Variants in APAF1 observed in about 807,000 individuals in gnomAD.
APAF1 encodes apoptotic protease-activating factor 1.
In APAF1, 91 loss-of-function variants were observed where a neutral mutation model predicts 152.4. The ratio of observed to expected loss-of-function variants is 0.60; its 90% CI spans 0.50 to 0.71. The LOEUF (loss-of-function observed/expected upper bound fraction) is 0.71. Among genes scored for constraint, APAF1 ranks in the 30% least tolerant of loss-of-function variants. The pLI, the probability that APAF1 is intolerant of heterozygous loss-of-function variation, is 0.00. For missense variants in APAF1, 1,283 were observed against 1,472.0 expected (o/e 0.87, Z 2.10); for synonymous variants, 484 against 494.1 (o/e 0.98, Z 0.27).
At chr12:98,648,073 T>C (rs976710092) in intron 1 of APAF1, among the ~76,000 whole-genome samples, 3 of 152,164 alleles carry the variant, frequency 2.0e-5, no homozygotes, top group African/African-American at 7.2e-5. Context: ...AGAAAGCTTA[T>C]TTTAAACAAT....
chr12:98,731,429 C>T (rs1299306238), intron 26 of APAF1, among the ~76,000 whole-genome samples: 2 of 152,176 alleles, frequency 1.3e-5, no homozygotes, highest in Non-Finnish European at 2.9e-5. Flanking sequence ...AAATGAATCT[C>T]AGGTTGGTGG....
At chr12:98,722,895 C>A (rs1037206279) in intron 22 of APAF1, among the ~76,000 whole-genome samples, 1 of 151,346 alleles carries the variant, frequency 6.6e-6, no homozygotes, top group Non-Finnish European at 1.5e-5. Flanking sequence ...AGCTCACTGG[C>A]ATATTGTGTG....
In APAF1 at chr12:98,699,485, A is replaced by G. The variant is rs775644489; in HGVS notation, c.2382A>G (p.Gln794=). 6.2e-7 allele frequency: 1 copy of G among 1,614,204 alleles called. No homozygotes were observed. ...TCTTCCTAAATTTGGAGGACCCTCA[A>G]GAGGATATGGAAGTGATAGTGAAGT... ...KQFFLNLEDP[Q]EDMEVIVKCC... is the part of the protein sequence containing the mutation. The change falls in exon 17 of 27, where the codon CAA becomes CAG. Residue 794 remains glutamine, a synonymous_variant. Coordinates refer to ENST00000551964, the MANE Select transcript of APAF1 (RefSeq NM_181861.2).
intron 22 of APAF1, among the ~76,000 whole-genome samples, chr12:98,716,015 A>G (rs532683995): frequency 6.6e-6 from 1 of 152,234 alleles, no homozygotes; most frequent in Admixed American, 6.5e-5. Flanking sequence ...TAAACTTACT[A>G]TATATTCTTT....
In APAF1 at chr12:98,712,362, C is replaced by A. The variant is rs1565889138; in HGVS notation, c.2885C>A (p.Ala962Asp). 1 of 1,613,522 alleles carries A rather than the reference C, an allele frequency of 6.2e-7. No individual in the cohort carries two copies. Among genetic ancestry groups the A allele is most frequent in the Non-Finnish European group, 8.5e-7 (1 of 1,179,612 alleles). Residue 962 changes from alanine (A) to aspartate (D), a missense_variant, in exon 21 of 27, where the codon GCT (alanine) becomes GAT (aspartate). Transcript: ENST00000551964. ...RTGQIDYLTE[A>D]QVSCCCLSPH... ...GGTCAGATTGATTATCTGACTGAAG[C>A]TCAAGTTAGCTGCTGTTGCTTAAGT... is the stretch of plus-strand genomic sequence containing the variant.
rs1297826286 is a variant in APAF1, at chr12:98,723,199, A to C, written c.3091A>C (p.Asn1031His). The C allele has an allele frequency of 2.5e-6, 4 of 1,613,432 alleles. No individual in the cohort carries two copies. Among genetic ancestry groups the C allele is most frequent in the Non-Finnish European group, 3.4e-6 (4 of 1,179,502 alleles). ...SSDDAEIQVW[N>H]WQLDKCIFLR... is the part of the protein sequence containing the mutation. ...TTATTTCTTTGATATTCAGGTATGG[A>C]ATTGGCAATTGGACAAATGTATCTT... The change falls in exon 23 of 27, where the codon AAT becomes CAT. Residue 1031 changes from asparagine to histidine, a missense_variant. Asn to His is a moderately conservative substitution (Grantham distance 68). Transcript: ENST00000551964.
intron 20 of APAF1, among the ~76,000 whole-genome samples, chr12:98,708,938 C>T (rs2097724791): frequency 6.6e-6 from 1 of 152,160 alleles, no homozygotes; most frequent in African/African-American, 2.4e-5. Flanking sequence ...TATCTATGAT[C>T]ACATTCTTTG....
intron 24 of APAF1, among the ~76,000 whole-genome samples, chr12:98,724,738 G>A (rs116426123): frequency 0.31 from 47,103 of 151,822 alleles, 7,771 homozygotes; most frequent in East Asian, 0.51. Flanking sequence ...TCGTGAGCCT[G>A]TCTTTGTGAT....
chr12:98,662,433 TTAA>T lies in APAF1; in HGVS notation c.711-20_711-18del. 1 of 1,509,566 alleles carries T rather than the reference TTAA, an allele frequency of 6.6e-7. No individual in the cohort carries two copies. The highest frequency in any genetic ancestry group is 9.2e-7 in the Non-Finnish European group (1 of 1,085,408). 93.5% of individuals were successfully genotyped at this position (1,509,566 alleles called of 1,614,324 possible). ...AGCTTAAGATAAGTGTCATTAGTGA[TTAA>T]TATTTTTTTTTTAAATTAGGTCTCT... is the stretch of plus-strand genomic sequence containing the variant. On this transcript the variant is annotated intron_variant, in intron 5 of 26. Coordinates refer to ENST00000551964, the MANE Select transcript of APAF1 (RefSeq NM_181861.2).
rs2097764108 is a variant in APAF1, at chr12:98,732,662, ATTGT to A, written c.*98_*101del. ...ATATCAACTTTTTATAAAGCTCTTAATTGTTGTGCAGTATTGCATTCATTACAAA... is the reference window on the plus strand; with the variant it reads ...ATATCAACTTTTTATAAAGCTCTTAATGTGCAGTATTGCATTCATTACAAA... On this transcript the variant is annotated 3_prime_UTR_variant, in exon 27 of 27. Coordinates refer to ENST00000551964, the MANE Select transcript of APAF1 (RefSeq NM_181861.2). The A allele has an allele frequency of 1.2e-6, 1 of 834,698 alleles. No individual in the cohort carries two copies. The highest frequency in any genetic ancestry group is 2.3e-5 in the Admixed American group (1 of 42,854). 51.7% of individuals were successfully genotyped at this position (834,698 alleles called of 1,614,324 possible). A position where few individuals can be genotyped will look rare whatever the true frequency, so the allele number is the denominator to read the frequency against.
At chr12:98,721,571 T>C (rs915749792) in intron 22 of APAF1, among the ~76,000 whole-genome samples, 1 of 152,224 alleles carries the variant, frequency 6.6e-6, no homozygotes, top group Non-Finnish European at 1.5e-5. Flanking sequence ...CCTCCATTTC[T>C]TCCCCTTCCC....
chr12:98,727,924 A>T (rs934139065), intron 26 of APAF1, among the ~76,000 whole-genome samples: 2 of 151,902 alleles, frequency 1.3e-5, no homozygotes, highest in African/African-American at 2.4e-5. Flanking sequence ...CTAGGCAACA[A>T]GAGCAAAACT....
intron 15 of APAF1, among the ~76,000 whole-genome samples, chr12:98,685,935 C>T (rs2097697590): frequency 1.3e-5 from 2 of 152,180 alleles, no homozygotes; most frequent in African/African-American, 4.8e-5. Flanking sequence ...CCATGTCCAG[C>T]CTGAATAGAG....
intron 22 of APAF1, among the ~76,000 whole-genome samples, chr12:98,721,169 GCAACAA>G (rs562117411): frequency 6.6e-6 from 1 of 151,900 alleles, no homozygotes; most frequent in Non-Finnish European, 1.5e-5. Context: ...GTGTTTCCGT[GCAACAA>G]CAACAACAAC....
At position 98,648,415 on chromosome 12, in the gene APAF1, A is replaced by C; in HGVS notation, c.56A>C (p.Asp19Ala). The change falls in exon 2 of 27, where the codon GAC (aspartate) becomes GCC (alanine). Residue 19 changes from aspartate (D) to alanine (A), a missense_variant. Transcript: ENST00000551964. ...LLQHREALEKDIKTSYIMDHM... is the reference protein window; with the variant it reads ...LLQHREALEKAIKTSYIMDHM... ...CAACATAGAGAAGCTCTGGAAAAGG[A>C]CATCAAGACATCCTACATCATGGAT... 6.2e-7 allele frequency: 1 copy of C among 1,614,108 alleles called. No individual in the cohort carries two copies. Among genetic ancestry groups the C allele is most frequent in the South Asian group, 1.1e-5 (1 of 91,086 alleles).
At chr12:98,697,727 T>TTA (rs1433675799) in intron 16 of APAF1, among the ~76,000 whole-genome samples, 2 of 152,146 alleles carry the variant, frequency 1.3e-5, no homozygotes, top group Non-Finnish European at 2.9e-5. Context: ...TAATGACAGG[T>TTA]AGTAAGCAGA....
intron 16 of APAF1, among the ~76,000 whole-genome samples, chr12:98,687,842 C>T (rs2097699593): frequency 6.6e-6 from 1 of 152,098 alleles, no homozygotes; most frequent in African/African-American, 2.4e-5. Context: ...GAGACAGTCT[C>T]ACTCTGTCGC....
At chr12:98,686,616 T>C (rs1226179080) in intron 15 of APAF1, 132 bp from the exon 16 acceptor site, 2 of 871,936 alleles carry the variant, frequency 2.3e-6, no homozygotes, top group East Asian at 5.4e-5. Flanking sequence ...GATACGTTTG[T>C]GTTACTGTGA....
rs1393965153 is a variant in APAF1 at position 98,645,586 on chromosome 12, G to T, written c.-291G>T. 1 of 152,402 alleles carries T rather than the reference G, an allele frequency of 6.6e-6. No homozygotes were observed. The highest frequency in any genetic ancestry group is 1.9e-4 in the East Asian group (1 of 5,180). 9.4% of individuals were successfully genotyped at this position (152,402 alleles called of 1,614,324 possible). ...CTGTGGGGTCAGGCTGCGTTGGGTG[G>T]ACGCCCACCTCGCCAACCTTCGGAG... On this transcript the variant is annotated 5_prime_UTR_variant, in exon 1 of 27. Transcript: ENST00000551964.
Sources: gnomAD v4.1 joint callset for allele counts (sites outside exome capture counted in the v4.1 genomes callset) on GRCh38, gnomAD v4.1.1 for gene constraint, MANE v1.5 for transcripts, NCBI Gene and HGNC (gene_info 2026-07-23, HGNC 2026-07-21) for gene names.